The following SLC11A1 variants were observed in gnomAD, a reference collection of about 807,000 sequenced individuals.
SLC11A1 encodes natural resistance-associated macrophage protein 1.
Under a neutral mutation model 63.2 loss-of-function variants are expected in SLC11A1, and 59 were observed. That is an observed-to-expected ratio of 0.93 (90% CI 0.76 to 1.16). The LOEUF (loss-of-function observed/expected upper bound fraction) is 1.16, where lower values mean the gene tolerates loss of function less well. Ranked by LOEUF, SLC11A1 falls within the 50% of genes most tolerant of loss-of-function variation. The probability of loss-of-function intolerance (pLI) is 0.00; values close to 1 mark genes in which losing one functional copy is unlikely to be tolerated. For missense variants in SLC11A1, 688 were observed against 730.7 expected (o/e 0.94, Z 0.67); for synonymous variants, 305 against 307.8 (o/e 0.99, Z 0.09).
intron 2 of SLC11A1, 76 bp downstream of exon 2, chr2:218,383,178 G>T: frequency 6.6e-7 from 1 of 1,512,312 alleles, no homozygotes; most frequent in Non-Finnish European, 9.0e-7. Flanking sequence ...GGAGAATGGG[G>T]TCTCCTTATG....
chr2:218,391,132 G>T, intron 9 of SLC11A1, 66 bp from the exon 10 acceptor site: 1 of 1,414,514 alleles, frequency 7.1e-7, no homozygotes, highest in Non-Finnish European at 1.0e-6. Context: ...TCAGTGCTAG[G>T]CAGTCCAGTT....
Position 218,394,115 on chromosome 2 carries a change from C to T in SLC11A1, c.1315-5C>T, listed in dbSNP as rs1203008277. 2 of 1,614,056 alleles carry T rather than the reference C, an allele frequency of 1.2e-6. No homozygotes were observed. Among genetic ancestry groups the T allele is most frequent in the Admixed American group, 3.3e-5 (2 of 60,020 alleles). On this transcript the variant is annotated splice_polypyrimidine_tract_variant and splice_region_variant and intron_variant, in intron 12 of 14. Coordinates refer to ENST00000233202, the MANE Select transcript of SLC11A1 (RefSeq NM_000578.4). ...CTCAGCCTAGGCTCCTGCTGCTCTC[C>T]CCAGCTCCCGTTCGCCGTGCTGCCC...
In SLC11A1 at chr2:218,387,566, G is replaced by C; in HGVS notation, c.573G>C (p.Gly191=). 1 of 1,614,200 alleles carries C rather than the reference G, an allele frequency of 6.2e-7. No individual in the cohort carries two copies. Among genetic ancestry groups the C allele is most frequent in the Non-Finnish European group, 8.5e-7 (1 of 1,180,020 alleles). Residue 191 remains glycine, a splice_region_variant and synonymous_variant, in exon 7 of 15, where the codon GGG becomes GGC. Transcript: ENST00000233202. ...TFFFLFLDNY[G]LRKLEAFFGL... is the part of the protein sequence containing the mutation. ...TAGTTTGTTTGTTCTGCTCCGTAGG[G>C]CTGCGGAAGCTGGAAGCTTTTTTTG...
intron 4 of SLC11A1, among the ~76,000 whole-genome samples, chr2:218,386,428 G>A (rs992615563): frequency 2.0e-5 from 3 of 151,356 alleles, no homozygotes; most frequent in Non-Finnish European, 2.9e-5. Context: ...CTCCAGCCTG[G>A]GCAACAAGAG....
In SLC11A1 at chr2:218,395,325, G is replaced by T; in HGVS notation, c.*290G>T. 5.3e-6 allele frequency: 2 copies of T among 378,176 alleles called. No homozygotes were observed. The highest frequency in any genetic ancestry group is 9.8e-6 in the Non-Finnish European group (2 of 204,844). 23.4% of individuals were successfully genotyped at this position (378,176 alleles called of 1,614,324 possible). On this transcript the variant is annotated 3_prime_UTR_variant, in exon 15 of 15. Coordinates refer to ENST00000233202, the MANE Select transcript of SLC11A1 (RefSeq NM_000578.4). ...AAACAAACGAAAAACATTTCAAAAG[G>T]TATTTATTGAGCACCTGCAGGCGTG...
intron 4 of SLC11A1, 101 bp downstream of exon 4, chr2:218,385,367 C>T: frequency 6.7e-7 from 1 of 1,490,698 alleles, no homozygotes; most frequent in Non-Finnish European, 9.3e-7. Flanking sequence ...TCACATGGGG[C>T]ATCCCAAGTC....
intron 5 of SLC11A1, 48 bp from the exon 6 acceptor site, chr2:218,387,112 A>C: frequency 7.1e-5 from 110 of 1,543,554 alleles, no homozygotes; most frequent in Non-Finnish European, 8.6e-5. Flanking sequence ...CGTAGGAGTT[A>C]GAGACCCCTG....
intron 8 of SLC11A1, chr2:218,388,337 C>T: frequency 5.5e-6 from 1 of 180,448 alleles, no homozygotes; most frequent in Non-Finnish European, 1.2e-5. Flanking sequence ...CACTGCACCA[C>T]TCCAGCCTGG....
Position 218,395,087 on chromosome 2 carries a change from TGGATGTGGAGGGGGC to T in SLC11A1, c.*54_*68del. 7.2e-7 allele frequency: 1 copy of T among 1,397,334 alleles called. No homozygotes were observed. The highest frequency in any genetic ancestry group is 9.9e-7 in the Non-Finnish European group (1 of 1,013,320). 86.6% of individuals were successfully genotyped at this position (1,397,334 alleles called of 1,614,324 possible). On this transcript the variant is annotated 3_prime_UTR_variant, in exon 15 of 15. Coordinates refer to ENST00000233202, the MANE Select transcript of SLC11A1 (RefSeq NM_000578.4). ...GGCATGTATGACGTGACTGGCCTGC[TGGATGTGGAGGGGGC>T]GCGTGCAGGCAGCAGGATAGAGTGG...
At chr2:218,386,598 G>A (rs754955687) in intron 4 of SLC11A1, 37 bp from the exon 5 acceptor site, 17 of 1,458,886 alleles carry the variant, frequency 1.2e-5, no homozygotes, top group African/African-American at 8.3e-5. Context: ...GCAAATAACC[G>A]GCCCACCCTT....
chr2:218,395,825 A>G lies in SLC11A1; in HGVS notation c.*790A>G, dbSNP rs1444173153. 6.6e-6 allele frequency: 1 copy of G among 152,340 alleles called. No individual in the cohort carries two copies. The highest frequency in any genetic ancestry group is 1.9e-4 in the East Asian group (1 of 5,334). 9.4% of individuals were successfully genotyped at this position (152,340 alleles called of 1,614,324 possible). On this transcript the variant is annotated 3_prime_UTR_variant, in exon 15 of 15. Transcript: ENST00000233202. Reference sequence around the variant, plus strand: ...AGGGAATGGGAACCGGGAAGGCACGAAGTCTCTAAAGCATCCAGAAGACCC... The same window carrying G: ...AGGGAATGGGAACCGGGAAGGCACGGAGTCTCTAAAGCATCCAGAAGACCC...
chr2:218,394,297 A>G (rs1160798339), intron 13 of SLC11A1, 104 bp downstream of exon 13: 9 of 1,227,080 alleles, frequency 7.3e-6, no homozygotes, highest in Admixed American at 5.8e-5. Flanking sequence ...CAATGAAGCC[A>G]CAGAGGCTGA....
intron 5 of SLC11A1, 112 bp from the exon 6 acceptor site, chr2:218,387,048 C>A: frequency 3.1e-6 from 3 of 966,106 alleles, no homozygotes; most frequent in Admixed American, 3.5e-5. Flanking sequence ...TGTCTGGGGG[C>A]GCTTAGGGTC....
At chr2:218,391,095 C>A in intron 9 of SLC11A1, 103 bp from the exon 10 acceptor site, 1 of 948,184 alleles carries the variant, frequency 1.1e-6, no homozygotes. Context: ...CAGATTCAGC[C>A]TTGGGCCACC....
chr2:218,388,451 T>A (rs1051643335), intron 8 of SLC11A1: 1 of 153,914 alleles, frequency 6.5e-6, no homozygotes, highest in South Asian at 1.8e-4. Context: ...CCTTCTAGAG[T>A]TTCCGTGCTA....
Position 218,383,197 on chromosome 2 carries a change from TG to T in SLC11A1, c.150+97del. On this transcript the variant is annotated intron_variant, in intron 2 of 14. Coordinates refer to ENST00000233202, the MANE Select transcript of SLC11A1 (RefSeq NM_000578.4). ...AATGGGGTCTCCTTATGATCATGGG[TG>T]GCAAGTCCCTTCCAGGTCTGAGCAG... 3.6e-6 allele frequency: 5 copies of T among 1,408,174 alleles called. No individual in the cohort carries two copies. In the South Asian group the frequency reaches 6.4e-5, roughly 18 times the overall value. 87.2% of individuals were successfully genotyped at this position (1,408,174 alleles called of 1,614,324 possible).
chr2:218,386,592 A>G, intron 4 of SLC11A1, 43 bp from the exon 5 acceptor site: 1 of 1,428,276 alleles, frequency 7.0e-7, no homozygotes. Context: ...CGACAGGCAA[A>G]TAACCGGCCC....
chr2:218,385,344 T>C, intron 4 of SLC11A1, 78 bp downstream of exon 4: 1 of 1,579,868 alleles, frequency 6.3e-7, no homozygotes, highest in Non-Finnish European at 8.7e-7. Flanking sequence ...CACGATCAAA[T>C]AAATACATCA....
In SLC11A1 at chr2:218,391,127, G is replaced by A. The variant is rs1696408932; in HGVS notation, c.955-71G>A. Reference sequence around the variant, plus strand: ...CACCAGTTTTGGAACCCTGGTCAGTGCTAGGCAGTCCAGTTTCCCAAGGCT... The same window carrying A: ...CACCAGTTTTGGAACCCTGGTCAGTACTAGGCAGTCCAGTTTCCCAAGGCT... On this transcript the variant is annotated intron_variant, in intron 9 of 14. Coordinates refer to ENST00000233202, the MANE Select transcript of SLC11A1 (RefSeq NM_000578.4). 3.6e-6 allele frequency: 5 copies of A among 1,383,846 alleles called. No homozygotes were observed. The East Asian group carries it at 1.1e-4, about 32-fold the overall frequency. 85.7% of individuals were successfully genotyped at this position (1,383,846 alleles called of 1,614,324 possible). A position where few individuals can be genotyped will look rare whatever the true frequency, so the allele number is the denominator to read the frequency against.
Sources: allele counts gnomAD v4.1 joint callset (sites outside exome capture counted in the v4.1 genomes callset), GRCh38; gene constraint gnomAD v4.1.1; transcripts MANE v1.5; gene names NCBI Gene and HGNC (gene_info 2026-07-23, HGNC 2026-07-21).